The following RELN variants were observed in gnomAD, a reference collection of about 807,000 sequenced individuals.
RELN encodes the protein reelin.
In RELN, 108 loss-of-function variants were observed where a neutral mutation model predicts 427.6. The ratio of observed to expected loss-of-function variants is 0.25; its 90% CI spans 0.22 to 0.30. The LOEUF is 0.30. Ranked by LOEUF, RELN falls within the 10% of genes least tolerant of loss-of-function variation. The pLI is 1.00. For missense variants in RELN, 3,715 were observed against 4,302.8 expected (o/e 0.86, Z 3.82); for synonymous variants, 1,524 against 1,513.4 (o/e 1.01, Z -0.16).
rs758309566 is a variant in RELN, at chr7:103,833,585, C to T, written c.425G>A (p.Ser142Asn). 8 of 1,614,034 alleles carry T rather than the reference C, an allele frequency of 5.0e-6. No homozygotes were observed. The East Asian group carries it at 1.3e-4, about 27-fold the overall frequency. Reference sequence around the variant, plus strand: ...CGCAGGTGGAGCAATCCAGATGAAACTGAGGTTGGTTGTGGGCAGGTGACT... The same window carrying T: ...CGCAGGTGGAGCAATCCAGATGAAATTGAGGTTGGTTGTGGGCAGGTGACT... ...HVSHLPTTNL[S>N]FIWIAPPAGT... Residue 142 changes from serine to asparagine, a missense_variant, in exon 3 of 65, where the codon AGT becomes AAT. Coordinates refer to ENST00000428762, the MANE Select transcript of RELN (RefSeq NM_005045.4).
chr7:103,905,895 T>C (rs1795194292), intron 2 of RELN, among the ~76,000 whole-genome samples: 1 of 151,998 alleles, frequency 6.6e-6, no homozygotes, highest in Non-Finnish European at 1.5e-5. Context: ...GGGGAAGGGT[T>C]CTAAAGTTTT....
rs569481900 is a variant in RELN at position 103,716,263 on chromosome 7, T to C, written c.805+6877A>G. Among the ~76,000 whole-genome samples, 3 of 152,338 alleles carry C rather than the reference T, an allele frequency of 2.0e-5. No homozygotes were observed. The South Asian group carries it at 6.2e-4, about 32-fold the overall frequency. ...CAAATTAAACTCTCATTCTCCTCTGTAGTCTGCATCTGTTAATCAGCAATG... is the reference window on the plus strand; with the variant it reads ...CAAATTAAACTCTCATTCTCCTCTGCAGTCTGCATCTGTTAATCAGCAATG... On this transcript the variant is annotated intron_variant, in intron 8 of 64. Transcript: ENST00000428762.
chr7:103,843,775 G>T (rs1793611812), intron 2 of RELN, among the ~76,000 whole-genome samples: 1 of 152,148 alleles, frequency 6.6e-6, no homozygotes, highest in Non-Finnish European at 1.5e-5. Flanking sequence ...GGGTCTGTGT[G>T]ACCACTGAGT....
chr7:103,602,458 A>G (rs980310422), intron 24 of RELN, among the ~76,000 whole-genome samples: 1 of 152,214 alleles, frequency 6.6e-6, no homozygotes, highest in African/African-American at 2.4e-5. Context: ...TAGACTGGAT[A>G]AAGAAAATGT....
At chr7:103,847,483 T>C (rs1003591166) in intron 2 of RELN, among the ~76,000 whole-genome samples, 1 of 152,064 alleles carries the variant, frequency 6.6e-6, no homozygotes, top group Non-Finnish European at 1.5e-5. Flanking sequence ...GGTTGATGGG[T>C]GCAGCAAACC....
intron 51 of RELN, among the ~76,000 whole-genome samples, chr7:103,506,425 A>G (rs1057158694): frequency 6.6e-6 from 1 of 152,230 alleles, no homozygotes; most frequent in African/African-American, 2.4e-5. Flanking sequence ...TAAAGAAAAG[A>G]GTTTTCAATC....
At chr7:103,964,289 T>C (rs1446640380) in intron 1 of RELN, among the ~76,000 whole-genome samples, 1 of 152,190 alleles carries the variant, frequency 6.6e-6, no homozygotes, top group Admixed American at 6.5e-5. Context: ...GTCATTCCTT[T>C]TGTGATCAAT....
chr7:103,611,518 T>C (rs1831955339), intron 21 of RELN, 93 bp downstream of exon 21: 3 of 968,136 alleles, frequency 3.1e-6, no homozygotes, highest in African/African-American at 1.7e-5. Context: ...CAACCAAACC[T>C]AAACTTCTAG....
chr7:103,594,537 GC>G, intron 25 of RELN, 45 bp from the exon 26 acceptor site: 1 of 1,540,118 alleles, frequency 6.5e-7, no homozygotes, highest in East Asian at 2.3e-5. Context: ...CAAAAGCTGT[GC>G]TTTTTTTTTT....
At chr7:103,814,663 C>T (rs1792826080) in intron 3 of RELN, among the ~76,000 whole-genome samples, 1 of 152,024 alleles carries the variant, frequency 6.6e-6, no homozygotes, top group African/African-American at 2.4e-5. Context: ...CTGCAATGCC[C>T]TCTGAGGGCC....
At chr7:103,700,718 A>T (rs1050344294) in intron 9 of RELN, among the ~76,000 whole-genome samples, 192 bp downstream of exon 9, 1 of 152,186 alleles carries the variant, frequency 6.6e-6, no homozygotes, top group Non-Finnish European at 1.5e-5. Context: ...TTCTGAATGG[A>T]AAATGACACT....
chr7:103,520,304 T>C (rs1829670057), intron 48 of RELN, among the ~76,000 whole-genome samples: 1 of 152,312 alleles, frequency 6.6e-6, no homozygotes, highest in Non-Finnish European at 1.5e-5. Context: ...TATTATTTAA[T>C]TTTTTGAGAC....
intron 2 of RELN, among the ~76,000 whole-genome samples, chr7:103,870,656 C>T (rs1380350551): frequency 6.6e-6 from 1 of 152,074 alleles, no homozygotes; most frequent in Admixed American, 6.6e-5. Context: ...TTTCAAGGTA[C>T]TAACCTAATC....
At chr7:103,797,563 C>A (rs1232234367) in intron 3 of RELN, among the ~76,000 whole-genome samples, 1 of 152,144 alleles carries the variant, frequency 6.6e-6, no homozygotes, top group Non-Finnish European at 1.5e-5. Context: ...TCCGATTTTA[C>A]TAGTTTTTTT....
At chr7:103,651,405 T>C (rs558870890) in intron 15 of RELN, among the ~76,000 whole-genome samples, 3 of 152,206 alleles carry the variant, frequency 2.0e-5, no homozygotes, top group East Asian at 1.9e-4. Flanking sequence ...AACTGCCATA[T>C]AGAATTTAAG....
At chr7:103,678,936 G>T (rs1258981176) in intron 11 of RELN, among the ~76,000 whole-genome samples, 1 of 152,052 alleles carries the variant, frequency 6.6e-6, no homozygotes, top group Non-Finnish European at 1.5e-5. Context: ...ACAAATATTC[G>T]ATTAACTGAG....
At chr7:103,674,533 G>T (rs1437769000) in intron 11 of RELN, among the ~76,000 whole-genome samples, 1 of 152,022 alleles carries the variant, frequency 6.6e-6, no homozygotes, top group Non-Finnish European at 1.5e-5. Context: ...TGTGCCCTTG[G>T]GTGAGGATTC....
chr7:103,730,990 C>G (rs573662440), intron 6 of RELN, among the ~76,000 whole-genome samples: 58 of 152,172 alleles, frequency 3.8e-4, no homozygotes, highest in Non-Finnish European at 7.5e-4. Flanking sequence ...ACCAATGAAA[C>G]ACTTGTCTTT....
chr7:103,694,467 A>AGATGATGATGATGATGATGATGATGAT (rs139140239), intron 10 of RELN, among the ~76,000 whole-genome samples: 1 of 148,686 alleles, frequency 6.7e-6, no homozygotes, highest in Non-Finnish European at 1.5e-5. Flanking sequence ...CAGTTAAATG[A>AGATGATGATGATGATGATGATGATGAT]GATGATGATG....
Sources: allele counts gnomAD v4.1 joint callset (sites outside exome capture counted in the v4.1 genomes callset), GRCh38; gene constraint gnomAD v4.1.1; transcripts MANE v1.5; gene names NCBI Gene and HGNC (gene_info 2026-07-23, HGNC 2026-07-21).